HSD11B2: variants seen among roughly 807,000 people sequenced by gnomAD.
The protein encoded by HSD11B2 is hydroxysteroid 11-beta dehydrogenase 2.
HSD11B2 carries 17 observed loss-of-function variants against 20.9 expected under a neutral mutation model. The ratio of observed to expected loss-of-function variants is 0.81; its 90% CI spans 0.56 to 1.22. The LOEUF (loss-of-function observed/expected upper bound fraction) is 1.22, where lower values mean the gene tolerates loss of function less well. Among genes scored for constraint, HSD11B2 ranks in the 50% most tolerant of loss-of-function variants. The pLI, the probability that HSD11B2 is intolerant of heterozygous loss-of-function variation, is 0.00. For synonymous variants in HSD11B2, 253 were observed against 255.4 expected, an observed-to-expected ratio of 0.99 and a Z score of 0.09; for missense variants, 480 against 563.6, an observed-to-expected ratio of 0.85 and a Z score of 1.50.
In HSD11B2 at chr16:67,437,234, T is replaced by C; in HGVS notation, c.*231T>C. 1.7e-6 allele frequency: 1 copy of C among 596,538 alleles called. No individual in the cohort carries two copies. 37.0% of individuals were successfully genotyped at this position (596,538 alleles called of 1,614,324 possible). A position where few individuals can be genotyped will look rare whatever the true frequency, so the allele number is the denominator to read the frequency against. ...TGTTTCATGAGCCCAAACACCCTCC[T>C]GGCACAACGCTCTACCCTGCAGCTT... On this transcript the variant is annotated 3_prime_UTR_variant, in exon 5 of 5. Transcript: ENST00000326152.
intron 1 of HSD11B2, among the ~76,000 whole-genome samples, chr16:67,433,827 G>A (rs1435336041): frequency 6.6e-6 from 1 of 151,932 alleles, no homozygotes; most frequent in East Asian, 1.9e-4. Context: ...AGTAGAGGGA[G>A]TGGAGCTGAG....
intron 1 of HSD11B2, chr16:67,433,033 A>T (rs2040944477): frequency 6.6e-6 from 1 of 151,924 alleles, no homozygotes; most frequent in South Asian, 2.1e-4. Flanking sequence ...CTGAGGTCTC[A>T]CCTCAGGCCT....
chr16:67,433,725 CACAT>C (rs774821328), intron 1 of HSD11B2, among the ~76,000 whole-genome samples: 1,407 of 114,662 alleles, frequency 0.012, 13 homozygotes, highest in African/African-American at 0.057. Context: ...CACACACACA[CACAT>C]ATGCTTGCCT....
chr16:67,434,029 G>A (rs1170327924), intron 1 of HSD11B2, among the ~76,000 whole-genome samples: 1 of 152,076 alleles, frequency 6.6e-6, no homozygotes, highest in Non-Finnish European at 1.5e-5. Flanking sequence ...ATCAGCATGG[G>A]AACAATCAAG....
chr16:67,431,029 A>C (rs1249231533), upstream of HSD11B2: 3 of 212,840 alleles, frequency 1.4e-5, no homozygotes, highest in Non-Finnish European at 1.9e-5. Flanking sequence ...CCGGGAGAGA[A>C]GTGAAGGAAA....
chr16:67,431,363 G>A lies in HSD11B2; in HGVS notation c.115G>A (p.Ala39Thr). Residue 39 changes from alanine to threonine, a missense_variant, in exon 1 of 5, where the codon GCG becomes ACG. By Grantham distance (58) the Ala-to-Thr change is moderately conservative (BLOSUM62 0). Transcript: ENST00000326152. ...RLGRPLLAAL[A>T]LLAALDWLCQ... ...GGGCCGCCCGCTGCTGGCGGCGCTG[G>A]CGCTGCTGGCCGCGCTCGACTGGCT... 8.0e-7 allele frequency: 1 copy of A among 1,245,690 alleles called. No homozygotes were observed. The highest frequency in any genetic ancestry group is 1.0e-6 in the Non-Finnish European group (1 of 986,116). The allele number at this position is 1,245,690 out of a possible 1,614,324, so 77.2% of individuals were successfully genotyped here.
In HSD11B2 at chr16:67,437,287, A is replaced by G. The variant is rs1302182464; in HGVS notation, c.*284A>G. On this transcript the variant is annotated 3_prime_UTR_variant, in exon 5 of 5. Transcript: ENST00000326152. ...AGAACTCCGCTGGATGGGGAGTCTC[A>G]TGCAAGACTTCACTGCAGCCTTTCA... 1.8e-6 allele frequency: 1 copy of G among 553,932 alleles called. No homozygotes were observed. The highest frequency in any genetic ancestry group is 3.0e-5 in the East Asian group (1 of 33,164). The allele number at this position is 553,932 out of a possible 1,614,324, so 34.3% of individuals were successfully genotyped here. A position where few individuals can be genotyped will look rare whatever the true frequency, so the allele number is the denominator to read the frequency against.
chr16:67,436,512 G>A lies in HSD11B2; in HGVS notation c.803-76G>A. The A allele has an allele frequency of 6.3e-7, 1 of 1,579,316 alleles. No individual in the cohort carries two copies. The highest frequency in any genetic ancestry group is 1.1e-5 in the South Asian group (1 of 88,172). On this transcript the variant is annotated intron_variant, in intron 4 of 4. Coordinates refer to ENST00000326152, the MANE Select transcript of HSD11B2 (RefSeq NM_000196.4). The surrounding 1 kb of genome is among the most constrained non-coding windows in gnomAD (Gnocchi z 5.7). Reference sequence around the variant, plus strand: ...GGGGTGTAGTTTTGGCTGCAGACCTGGCGCGGGTTAAACAGTCCTAATTGG... The same window carrying A: ...GGGGTGTAGTTTTGGCTGCAGACCTAGCGCGGGTTAAACAGTCCTAATTGG...
Position 67,436,078 on chromosome 16 carries a change from C to T in HSD11B2, c.600C>T (p.Thr200=). The change falls in exon 3 of 5, where the codon ACC becomes ACT. Residue 200 remains threonine, a synonymous_variant. Transcript: ENST00000326152. The surrounding 1 kb of genome is among the most constrained non-coding windows in gnomAD (Gnocchi z 5.7). Reference sequence around the variant, plus strand: ...ATTTCTTTGGCGCGCTCGAGCTGACCAAGGGCCTCCTGCCCCTGCTGCGCA... The same window carrying T: ...ATTTCTTTGGCGCGCTCGAGCTGACTAAGGGCCTCCTGCCCCTGCTGCGCA... ...EVNFFGALEL[T]KGLLPLLRSS... is the part of the protein sequence containing the mutation. The T allele has an allele frequency of 1.2e-6, 2 of 1,614,158 alleles. No individual in the cohort carries two copies. The highest frequency in any genetic ancestry group is 1.7e-6 in the Non-Finnish European group (2 of 1,180,018).
At position 67,435,931 on chromosome 16, in the gene HSD11B2, T is replaced by C. The variant is rs368904749; in HGVS notation, c.479-26T>C. On this transcript the variant is annotated intron_variant, in intron 2 of 4. Transcript: ENST00000326152. ...GTTTGCTGCTGGGCTGACCTAAGGC[T>C]TCCCTCCTCTGCTCTGTGACCCCAG... 12 of 1,613,948 alleles carry C rather than the reference T, an allele frequency of 7.4e-6. No homozygotes were observed. The African/African-American group carries it at 1.6e-4, about 22-fold the overall frequency.
intron 1 of HSD11B2, among the ~76,000 whole-genome samples, chr16:67,431,736 G>C (rs1325946417): frequency 6.6e-6 from 1 of 152,250 alleles, no homozygotes; most frequent in African/African-American, 2.4e-5. Flanking sequence ...TGGAGGGAAA[G>C]TGAGACAGGG....
chr16:67,430,436 G>A (rs766399723), upstream of HSD11B2, among the ~76,000 whole-genome samples: 1 of 152,176 alleles, frequency 6.6e-6, no homozygotes, highest in Non-Finnish European at 1.5e-5. The surrounding 1 kb of genome is among the most constrained non-coding windows in gnomAD (Gnocchi z 5.4). Flanking sequence ...TGCGTCCCCA[G>A]GTTTAAGCCC....
chr16:67,436,129 G>C lies in HSD11B2; in HGVS notation c.651G>C (p.Val217=). ...LRSSRGRIVT[V]GSPAGDMPYP... ...GCTCAAGGGGCCGCATCGTGACTGT[G>C]GGGAGCCCAGCGGGTGAGTGCCCCC... is the stretch of plus-strand genomic sequence containing the variant. Residue 217 remains valine, a synonymous_variant, in exon 3 of 5, where the codon GTG becomes GTC. Coordinates refer to ENST00000326152, the MANE Select transcript of HSD11B2 (RefSeq NM_000196.4). The surrounding 1 kb of genome is among the most constrained non-coding windows in gnomAD (Gnocchi z 5.7). 6.2e-7 allele frequency: 1 copy of C among 1,613,804 alleles called. No individual in the cohort carries two copies. Among genetic ancestry groups the C allele is most frequent in the African/African-American group, 1.3e-5 (1 of 75,050 alleles).
In HSD11B2 at chr16:67,436,811, G is replaced by C; in HGVS notation, c.1026G>C (p.Gln342His). 6.2e-7 allele frequency: 1 copy of C among 1,613,828 alleles called. No homozygotes were observed. Among genetic ancestry groups the C allele is most frequent in the Middle Eastern group, 1.6e-4 (1 of 6,062 alleles). Residue 342 changes from glutamine to histidine, a missense_variant, in exon 5 of 5, where the codon CAG becomes CAC. By Grantham distance (24) the Gln-to-His change is conservative. Around this residue, in one of 2 missense-constraint regions of HSD11B2, gnomAD observed 374 missense variants for 480.9 expected, o/e 0.78. Transcript: ENST00000326152. This position sits in a 1 kb window ranked among gnomAD's most constrained non-coding sequence, Gnocchi z 5.7. ...ARPRRRYYPG[Q>H]GLGLMYFIHY... is the part of the protein sequence containing the mutation. ...CCCGCCGCCGCTATTACCCCGGCCA[G>C]GGCCTGGGGCTCATGTACTTCATCC...
At chr16:67,434,674 G>A (rs551386869) in intron 1 of HSD11B2, among the ~76,000 whole-genome samples, 1 of 152,206 alleles carries the variant, frequency 6.6e-6, no homozygotes, top group African/African-American at 2.4e-5. Context: ...CTTGAGCCCA[G>A]GAGTTCAAAA....
In HSD11B2 at chr16:67,436,476, G is replaced by A. The variant is rs2040974585; in HGVS notation, c.802+90G>A. On this transcript the variant is annotated intron_variant, in intron 4 of 4. Coordinates refer to ENST00000326152, the MANE Select transcript of HSD11B2 (RefSeq NM_000196.4). This position sits in a 1 kb window ranked among gnomAD's most constrained non-coding sequence, Gnocchi z 5.7. ...CAGGTCAGGTTTGATGAATGGTCAT[G>A]GTTTTGGTTGGGGGTGTAGTTTTGG... The A allele has an allele frequency of 1.6e-5, 25 of 1,539,448 alleles. No individual in the cohort carries two copies. In the South Asian group the frequency reaches 2.4e-4, roughly 14 times the overall value.
rs2040928897 is a variant in HSD11B2, at chr16:67,431,133, C to T, written c.-116C>T. ...GAGGGCGAGCAGAGAAAGCGAGTGT[C>T]CCTCTCGCGCCCCAGGCCGGTGTAC... On this transcript the variant is annotated 5_prime_UTR_variant, in exon 1 of 5. Coordinates refer to ENST00000326152, the MANE Select transcript of HSD11B2 (RefSeq NM_000196.4). 5.4e-6 allele frequency: 2 copies of T among 373,528 alleles called. No individual in the cohort carries two copies. The highest frequency in any genetic ancestry group is 7.4e-6 in the Non-Finnish European group (2 of 271,936). The allele number at this position is 373,528 out of a possible 1,614,324, so 23.1% of individuals were successfully genotyped here.
In HSD11B2 at chr16:67,436,972, GC is replaced by G. The variant is rs1567531098; in HGVS notation, c.1191del (p.Gly398AlafsTer71). 2 of 1,610,574 alleles carry G rather than the reference GC, an allele frequency of 1.2e-6. No homozygotes were observed. The highest frequency in any genetic ancestry group is 1.7e-5 in the Admixed American group (1 of 60,026). Reference protein sequence around the residue: ...PQDAAQDPNLSPGPSPAVAR With the variant: ...PQDAAQDPNLXPGPSPAVAR ...GACGCAGCCCAGGACCCAAACCTGAGCCCCGGCCCTTCCCCAGCAGTGGCTC... is the reference window on the plus strand; with the variant it reads ...GACGCAGCCCAGGACCCAAACCTGAGCCCGGCCCTTCCCCAGCAGTGGCTC... On this transcript the variant is annotated frameshift_variant, in exon 5 of 5. Coordinates refer to ENST00000326152, the MANE Select transcript of HSD11B2 (RefSeq NM_000196.4). LOFTEE classifies it high-confidence loss of function. The surrounding 1 kb of genome is among the most constrained non-coding windows in gnomAD (Gnocchi z 5.7).
chr16:67,436,557 T>A lies in HSD11B2; in HGVS notation c.803-31T>A. The stretch of plus-strand genomic sequence containing the variant: ...AATTGGCTTTGGCTCCCCTAGCTGA[T>A]CCCACTCTGACCTTGCCACTCCTTC... On this transcript the variant is annotated intron_variant, in intron 4 of 4. Coordinates refer to ENST00000326152, the MANE Select transcript of HSD11B2 (RefSeq NM_000196.4). The surrounding 1 kb of genome is among the most constrained non-coding windows in gnomAD (Gnocchi z 5.7). 1 of 1,613,484 alleles carries A rather than the reference T, an allele frequency of 6.2e-7. No individual in the cohort carries two copies. The highest frequency in any genetic ancestry group is 1.3e-5 in the African/African-American group (1 of 75,006).
Sources: allele counts gnomAD v4.1 joint callset (sites outside exome capture counted in the v4.1 genomes callset), GRCh38; gene constraint gnomAD v4.1.1; regional missense constraint gnomAD v4.1.1; non-coding constraint Gnocchi (gnomAD v3.1); transcripts MANE v1.5; gene names NCBI Gene and HGNC (gene_info 2026-07-23, HGNC 2026-07-21).